Variants in NDUFS1 observed in about 807,000 individuals in gnomAD.
NDUFS1 encodes the protein NADH-ubiquinone oxidoreductase 75 kDa subunit, mitochondrial.
NDUFS1 carries 61 observed loss-of-function variants against 84.4 expected under a neutral mutation model. That is an observed-to-expected ratio of 0.72 (90% confidence interval 0.59 to 0.89). NDUFS1 has a LOEUF of 0.89. Among genes scored for constraint, NDUFS1 ranks in the 40% least tolerant of loss-of-function variants. NDUFS1 has a pLI of 0.00. For missense variants in NDUFS1, 891 were observed against 890.0 expected (o/e 1.00, Z -0.01); for synonymous variants, 275 against 290.0 (o/e 0.95, Z 0.53).
intron 2 of NDUFS1, 48 bp from the exon 3 acceptor site, chr2:206,152,558 T>A: frequency 6.6e-7 from 1 of 1,505,920 alleles, no homozygotes. Flanking sequence ...CAGTTTATTA[T>A]AGCAGATGAT....
At chr2:206,137,700 T>C (rs1424309943) in intron 13 of NDUFS1, among the ~76,000 whole-genome samples, 6 of 151,926 alleles carry the variant, frequency 3.9e-5, no homozygotes, top group Non-Finnish European at 1.5e-5. Flanking sequence ...GAGCCACCTT[T>C]GGGGAAAAGC....
In NDUFS1 at chr2:206,146,922, C is replaced by A; in HGVS notation, c.718G>T (p.Ala240Ser). ...AGATACCTTGTTTCCCAAGGCCGGG[C>A]AGTAAAGGCATAGGGCTTAGAGGTT... ...ALTSKPYAFTARPWETRKTES... is the reference protein window; with the variant it reads ...ALTSKPYAFTSRPWETRKTES... Residue 240 changes from alanine (A) to serine (S), a missense_variant, in exon 8 of 19, where the codon GCC becomes TCC. Transcript: ENST00000233190. 1.2e-6 allele frequency: 2 copies of A among 1,613,966 alleles called. No homozygotes were observed. Among genetic ancestry groups the A allele is most frequent in the South Asian group, 1.1e-5 (1 of 91,078 alleles).
rs1173365636 is a variant in NDUFS1 at position 206,119,177 on chromosome 2, C to A, written c.*5008G>T. 6.6e-6 allele frequency: 1 copy of A among 152,152 alleles called. No homozygotes were observed. The highest frequency in any genetic ancestry group is 2.4e-5 in the African/African-American group (1 of 41,436). 9.4% of individuals were successfully genotyped at this position (152,152 alleles called of 1,614,324 possible). A position where few individuals can be genotyped will look rare whatever the true frequency, so the allele number is the denominator to read the frequency against. On this transcript the variant is annotated 3_prime_UTR_variant, in exon 19 of 19. Transcript: ENST00000233190. ...TTTCCCTCATAGTCTATGAAATTTTCCTACAATGATCATCCTCAGTTAGCA... is the reference window on the plus strand; with the variant it reads ...TTTCCCTCATAGTCTATGAAATTTTACTACAATGATCATCCTCAGTTAGCA...
At chr2:206,136,536 C>A (rs1238963682) in intron 13 of NDUFS1, among the ~76,000 whole-genome samples, 1 of 149,488 alleles carries the variant, frequency 6.7e-6, no homozygotes, top group Non-Finnish European at 1.5e-5. Context: ...TGGGTTCAAG[C>A]GATTCTCCAC....
chr2:206,156,347 A>C (rs963137329), intron 1 of NDUFS1, among the ~76,000 whole-genome samples: 1 of 151,448 alleles, frequency 6.6e-6, no homozygotes, highest in Non-Finnish European at 1.5e-5. Flanking sequence ...CCATCACAGG[A>C]AGATGGCTTG....
rs1200200997 is a variant in NDUFS1 at position 206,126,842 on chromosome 2, A to C, written c.1887T>G (p.Ile629Met). The change falls in exon 17 of 19, where the codon ATT becomes ATG. Residue 629 changes from isoleucine (I) to methionine (M), a missense_variant and splice_region_variant. Ile to Met is a conservative substitution (Grantham distance 10). Coordinates refer to ENST00000233190, the MANE Select transcript of NDUFS1 (RefSeq NM_005006.7). Reference protein sequence around the residue: ...DWKIIRALSEIAGMTLPYDTL... With the variant: ...DWKIIRALSEMAGMTLPYDTL... ...TATCATATGGAAGAGTCATTCCAGC[A>C]ATCTACAACATGTCAGGTCCCCAAA... The C allele has an allele frequency of 3.7e-6, 6 of 1,614,126 alleles. No individual in the cohort carries two copies. The highest frequency in any genetic ancestry group is 3.3e-5 in the South Asian group (3 of 91,086).
Position 206,147,528 on chromosome 2 carries a change from T to G in NDUFS1, c.551+3A>C, listed in dbSNP as rs1196507674. The G allele has an allele frequency of 1.9e-6, 3 of 1,612,714 alleles. No individual in the cohort carries two copies. Among genetic ancestry groups the G allele is most frequent in the Non-Finnish European group, 2.5e-6 (3 of 1,179,596 alleles). On this transcript the variant is annotated splice_donor_region_variant and intron_variant, in intron 7 of 18. Coordinates refer to ENST00000233190, the MANE Select transcript of NDUFS1 (RefSeq NM_005006.7). ...TAATAGAAAAAAAAGGAAAAAAAGT[T>G]ACCTGATGCAGCGAGTACACTGTAT...
Position 206,147,613 on chromosome 2 carries a change from T to C in NDUFS1, c.469A>G (p.Lys157Glu). Residue 157 changes from lysine to glutamate, a missense_variant, in exon 7 of 19, where the codon AAG (lysine) becomes GAG (glutamate). Lys to Glu is a moderately conservative substitution (Grantham distance 56, BLOSUM62 1). Transcript: ENST00000233190. ...GNDRSRFLEG[K>E]RAVEDKNIGP... ...ATGTTCTTGTCTTCCACAGCACGCT[T>C]CCCCTCTAAAAATCGGCTCCTATCA... 2 of 1,614,108 alleles carry C rather than the reference T, an allele frequency of 1.2e-6. No individual in the cohort carries two copies. Among genetic ancestry groups the C allele is most frequent in the Non-Finnish European group, 1.7e-6 (2 of 1,180,006 alleles).
At chr2:206,147,897 G>A (rs981224875) in intron 5 of NDUFS1, 63 bp from the exon 6 acceptor site, 1 of 1,442,022 alleles carries the variant, frequency 6.9e-7, no homozygotes, top group East Asian at 2.3e-5. Context: ...ATTAACTGCT[G>A]GCACTCAAAA....
Position 206,153,615 on chromosome 2 carries a change from C to A in NDUFS1, c.61+3G>T. The A allele has an allele frequency of 6.6e-7, 1 of 1,521,452 alleles. No individual in the cohort carries two copies. Among genetic ancestry groups the A allele is most frequent in the South Asian group, 1.1e-5 (1 of 89,070 alleles). 94.2% of individuals were successfully genotyped at this position (1,521,452 alleles called of 1,614,324 possible). A position where few individuals can be genotyped will look rare whatever the true frequency, so the allele number is the denominator to read the frequency against. On this transcript the variant is annotated splice_donor_region_variant and intron_variant, in intron 2 of 18. Transcript: ENST00000233190. ...ACGAATGCAAATTTAAGAAAATACT[C>A]ACCACATCCTTTAGGAGACTTAGAA...
intron 14 of NDUFS1, among the ~76,000 whole-genome samples, chr2:206,130,484 A>G (rs1300552375): frequency 1.3e-5 from 2 of 152,080 alleles, no homozygotes; most frequent in African/African-American, 4.8e-5. Flanking sequence ...CCTCCCAAGT[A>G]GCTGGGACTA....
At chr2:206,156,262 CAAAA>C (rs577904073) in intron 1 of NDUFS1, among the ~76,000 whole-genome samples, 35 of 94,076 alleles carry the variant, frequency 3.7e-4, no homozygotes, top group South Asian at 4.1e-4. Flanking sequence ...CACTCTGTCT[CAAAA>C]AAAAAAAAAA....
chr2:206,130,396 C>T (rs373884549), intron 14 of NDUFS1, among the ~76,000 whole-genome samples, 154 bp from the exon 15 acceptor site: 11 of 151,986 alleles, frequency 7.2e-5, no homozygotes, highest in Admixed American at 2.6e-4. Context: ...ACTTTGTCGC[C>T]CAGGCTGGAG....
chr2:206,127,463 A>G, intron 16 of NDUFS1: 1 of 234,338 alleles, frequency 4.3e-6, no homozygotes, highest in Non-Finnish European at 8.5e-6. Flanking sequence ...GGTTGCAGTA[A>G]GCTGAGATCA....
Position 206,152,511 on chromosome 2 carries a change from C to G in NDUFS1, c.62-1G>C. On this transcript the variant is annotated splice_acceptor_variant, in intron 2 of 18. Transcript: ENST00000233190. LOFTEE classifies it high-confidence loss of function. ...CTTGCTGCTGTGGCAGTTGTTCGAA[C>G]TGACCATCAAAGATATTGAAGCGAA... The G allele has an allele frequency of 6.2e-7, 1 of 1,613,550 alleles. No homozygotes were observed. Among genetic ancestry groups the G allele is most frequent in the Non-Finnish European group, 8.5e-7 (1 of 1,179,510 alleles).
In NDUFS1 at chr2:206,144,895, G is replaced by GT; in HGVS notation, c.868dup (p.Thr290AsnfsTer6). On this transcript the variant is annotated frameshift_variant, in exon 9 of 19. Transcript: ENST00000233190. LOFTEE classifies it high-confidence loss of function. ...AGGAAAACAATATAGCATATACCTG[G>GT]TTTTATCAGAGATCCACTCTTCATT... 6.2e-7 allele frequency: 1 copy of GT among 1,613,810 alleles called. No individual in the cohort carries two copies. The highest frequency in any genetic ancestry group is 8.5e-7 in the Non-Finnish European group (1 of 1,179,878).
rs1222177068 is a variant in NDUFS1, at chr2:206,143,046, CT to C, written c.988-216del. Among the ~76,000 whole-genome samples the C allele has an allele frequency of 2.6e-5, 4 of 152,286 alleles. No homozygotes were observed. In the East Asian group the frequency reaches 7.7e-4, roughly 29 times the overall value. ...GTGGGCGGATCACCTGCAGTCAGGA[CT>C]TTAAGACCAGCCTAGCCAACATGGT... On this transcript the variant is annotated intron_variant, in intron 10 of 18. Transcript: ENST00000233190.
At position 206,147,809 on chromosome 2, in the gene NDUFS1, C is replaced by G. The variant is rs886055502; in HGVS notation, c.364G>C (p.Ala122Pro). The change falls in exon 6 of 19, where the codon GCA (alanine) becomes CCA (proline). Residue 122 changes from alanine (A) to proline (P), a missense_variant. By Grantham distance (27) the Ala-to-Pro change is conservative (BLOSUM62 -1). Transcript: ENST00000233190. Reference sequence around the variant, plus strand: ...ATAGGACAGTCCAATGGGTGATTTGCTAATAAGAACTCCATCACACCTTCC... The same window carrying G: ...ATAGGACAGTCCAATGGGTGATTTGGTAATAAGAACTCCATCACACCTTCC... ...AREGVMEFLLANHPLDCPICD... is the reference protein window; with the variant it reads ...AREGVMEFLLPNHPLDCPICD... 1 of 1,613,918 alleles carries G rather than the reference C, an allele frequency of 6.2e-7. No individual in the cohort carries two copies. Among genetic ancestry groups the G allele is most frequent in the Non-Finnish European group, 8.5e-7 (1 of 1,179,908 alleles).
At chr2:206,150,023 T>TCTATCTA (rs1692311843) in intron 3 of NDUFS1, 98 bp from the exon 4 acceptor site, 5 of 691,648 alleles carry the variant, frequency 7.2e-6, no homozygotes, top group African/African-American at 1.9e-5. Flanking sequence ...ATCTTATTAC[T>TCTATCTA]TCTATCTATC....
Sources: allele counts gnomAD v4.1 joint callset (sites outside exome capture counted in the v4.1 genomes callset), GRCh38; gene constraint gnomAD v4.1.1; transcripts MANE v1.5; gene names NCBI Gene and HGNC (gene_info 2026-07-23, HGNC 2026-07-21).